Variants in MACROD2 observed in about 807,000 individuals in gnomAD.
The protein encoded by MACROD2 is mono-ADP ribosylhydrolase 2.
Under a neutral mutation model 70.4 loss-of-function variants are expected in MACROD2, and 36 were observed. The observed-to-expected ratio is 0.51, with a 90% CI of 0.39 to 0.68. MACROD2 has a LOEUF of 0.68. Among genes scored for constraint, MACROD2 ranks in the 30% least tolerant of loss-of-function variants. The pLI is 0.00. For missense variants in MACROD2, 496 were observed against 538.4 expected, an observed-to-expected ratio of 0.92 and a Z score of 0.78; for synonymous variants, 172 against 178.8, an observed-to-expected ratio of 0.96 and a Z score of 0.30.
chr20:14,536,311 C>A (rs945651008), intron 4 of MACROD2, among the ~76,000 whole-genome samples: 2 of 152,002 alleles, frequency 1.3e-5, no homozygotes, highest in Admixed American at 6.6e-5. Context: ...ACTTTTATGT[C>A]TCAAGTGGAG....
intron 5 of MACROD2, among the ~76,000 whole-genome samples, chr20:14,794,026 G>C (rs553959389): frequency 3.3e-4 from 50 of 152,142 alleles, no homozygotes; most frequent in African/African-American, 1.2e-3. Flanking sequence ...CATGGTCCCA[G>C]GTGCAGCATC....
Position 14,127,532 on chromosome 20 carries a change from A to G in MACROD2, c.271+41804A>G, listed in dbSNP as rs999585720. 2.4e-5 allele frequency: 12 copies of G among 504,838 alleles called. No homozygotes were observed. In the East Asian group the frequency reaches 3.3e-4, roughly 14 times the overall value. 31.3% of individuals were successfully genotyped at this position (504,838 alleles called of 1,614,324 possible). ...GCAGCAAGTTGCTCTACTTAAGGAGAAAGCCATTTTTGCAGGCAATTTTGA... is the reference window on the plus strand; with the variant it reads ...GCAGCAAGTTGCTCTACTTAAGGAGGAAGCCATTTTTGCAGGCAATTTTGA... On this transcript the variant is annotated intron_variant, in intron 3 of 17. Transcript: ENST00000684519.
intron 8 of MACROD2, among the ~76,000 whole-genome samples, chr20:15,859,378 C>T (rs994302612): frequency 2.6e-5 from 4 of 152,164 alleles, no homozygotes; most frequent in African/African-American, 7.2e-5. Context: ...CAAGGAATAA[C>T]TGTAGATCCC....
intron 2 of MACROD2, among the ~76,000 whole-genome samples, chr20:14,058,209 T>C (rs2053652113): frequency 6.6e-6 from 1 of 152,144 alleles, no homozygotes; most frequent in African/African-American, 2.4e-5. Flanking sequence ...CATATATGTA[T>C]GCTTCAATAA....
At chr20:15,227,946 C>T (rs768305814) in intron 5 of MACROD2, among the ~76,000 whole-genome samples, 1 of 143,948 alleles carries the variant, frequency 6.9e-6, no homozygotes, top group Admixed American at 7.3e-5. Flanking sequence ...ATTTTTCTGT[C>T]ATTTGTATCC....
chr20:14,685,767 C>T (rs1038935754), intron 5 of MACROD2, among the ~76,000 whole-genome samples: 1 of 152,100 alleles, frequency 6.6e-6, no homozygotes, highest in Non-Finnish European at 1.5e-5. Context: ...TCGTCCACTT[C>T]TTATGATACT....
At chr20:14,571,642 G>A (rs1156920713) in intron 4 of MACROD2, among the ~76,000 whole-genome samples, 1 of 152,144 alleles carries the variant, frequency 6.6e-6, no homozygotes, top group East Asian at 1.9e-4. Flanking sequence ...AGGGTCTTAA[G>A]CATTTTTAAT....
rs77634613 is a variant in MACROD2, at chr20:15,159,955, A to G, written c.419-69985A>G. On this transcript the variant is annotated intron_variant, in intron 5 of 17. Coordinates refer to ENST00000684519, the MANE Select transcript of MACROD2 (RefSeq NM_001351661.2). ...AGGAGAGGTATTTCAGGAAAATAAA[A>G]TAAATGAGAACTGCTTAGAGTGTTC... Among the ~76,000 whole-genome samples the G allele has an allele frequency of 2.1e-3, 326 of 152,204 alleles. 10 individuals are homozygous for G. The East Asian group carries it at 0.061, about 28-fold the overall frequency.
chr20:14,758,766 T>A (rs573055790), intron 5 of MACROD2, among the ~76,000 whole-genome samples: 1 of 152,274 alleles, frequency 6.6e-6, no homozygotes, highest in South Asian at 2.1e-4. Context: ...AGGATCTCTT[T>A]AGGATTTCAG....
At chr20:14,777,567 C>A (rs1433649317) in intron 5 of MACROD2, among the ~76,000 whole-genome samples, 1 of 151,864 alleles carries the variant, frequency 6.6e-6, no homozygotes, top group Non-Finnish European at 1.5e-5. Context: ...AGTTTGAAAG[C>A]AGCCCGATTC....
intron 6 of MACROD2, among the ~76,000 whole-genome samples, chr20:15,278,212 C>T (rs1296082734): frequency 6.6e-6 from 1 of 152,164 alleles, no homozygotes; most frequent in African/African-American, 2.4e-5. Context: ...GCCCCTGAGT[C>T]ATACCCAGAA....
At chr20:15,609,380 T>C (rs1409775554) in intron 8 of MACROD2, among the ~76,000 whole-genome samples, 1 of 152,192 alleles carries the variant, frequency 6.6e-6, no homozygotes, top group East Asian at 1.9e-4. Context: ...CTATTCGTCT[T>C]GCCAAAAATT....
At chr20:14,493,406 T>C (rs2084816162) in intron 3 of MACROD2, 73 bp from the exon 4 acceptor site, 1 of 1,294,704 alleles carries the variant, frequency 7.7e-7, no homozygotes, top group African/African-American at 1.5e-5. Context: ...TAGCTTTATC[T>C]TGAATTACTC....
intron 10 of MACROD2, among the ~76,000 whole-genome samples, chr20:15,921,064 T>C (rs971529660): frequency 6.6e-6 from 1 of 152,120 alleles, no homozygotes; most frequent in African/African-American, 2.4e-5. Flanking sequence ...TTTCATGCTA[T>C]TACATATTCC....
At chr20:14,011,919 T>G (rs188709777) in intron 2 of MACROD2, among the ~76,000 whole-genome samples, 7 of 152,116 alleles carry the variant, frequency 4.6e-5, no homozygotes, top group African/African-American at 1.4e-4. Flanking sequence ...GACTTTTCTT[T>G]TTTTTTAAAG....
At chr20:15,013,380 A>G (rs1056776982) in intron 5 of MACROD2, among the ~76,000 whole-genome samples, 1 of 152,126 alleles carries the variant, frequency 6.6e-6, no homozygotes, top group Non-Finnish European at 1.5e-5. Context: ...GGCATGGTAG[A>G]CACTGTGATA....
intron 3 of MACROD2, among the ~76,000 whole-genome samples, chr20:14,141,644 C>T (rs372533137): frequency 2.1e-5 from 3 of 144,820 alleles, no homozygotes; most frequent in East Asian, 2.2e-4. Flanking sequence ...ACTCGGGAGG[C>T]GGAGGCAGGA....
At chr20:14,758,805 A>G (rs1243280847) in intron 5 of MACROD2, among the ~76,000 whole-genome samples, 2 of 152,138 alleles carry the variant, frequency 1.3e-5, no homozygotes, top group African/African-American at 4.8e-5. Flanking sequence ...TCATCCTTAG[A>G]TAAGTACTAT....
rs956632823 is a variant in MACROD2 at position 14,405,709 on chromosome 20, C to G, written c.272-87770C>G. Among the ~76,000 whole-genome samples the G allele has an allele frequency of 6.6e-5, 10 of 152,152 alleles. No individual in the cohort carries two copies. In the South Asian group the frequency reaches 8.3e-4, roughly 13 times the overall value. On this transcript the variant is annotated intron_variant, in intron 3 of 17. Coordinates refer to ENST00000684519, the MANE Select transcript of MACROD2 (RefSeq NM_001351661.2). ...ATGTGACTGGTTTTTTGCTTGCTTA[C>G]AAATTCATATTTGTACCTATGGTTA...
Sources: gnomAD v4.1 joint callset for allele counts (sites outside exome capture counted in the v4.1 genomes callset) on GRCh38, gnomAD v4.1.1 for gene constraint, MANE v1.5 for transcripts, NCBI Gene and HGNC (gene_info 2026-07-23, HGNC 2026-07-21) for gene names.